CAPN13: variants seen among roughly 807,000 people sequenced by gnomAD.
CAPN13 encodes calpain-13.
In CAPN13, 90 loss-of-function variants were observed where a neutral mutation model predicts 98.4. The ratio of observed to expected loss-of-function variants is 0.92; its 90% CI spans 0.77 to 1.09. The LOEUF (loss-of-function observed/expected upper bound fraction) is 1.09, where lower values mean the gene tolerates loss of function less well. CAPN13 is among the 50% of genes least tolerant of loss of function. CAPN13 has a pLI of 0.00. For missense variants in CAPN13, 887 were observed against 841.3 expected, an observed-to-expected ratio of 1.05 and a Z score of -0.67; for synonymous variants, 330 against 305.5, an observed-to-expected ratio of 1.08 and a Z score of -0.84.
chr2:30,752,665 G>A (rs1672233243), intron 10 of CAPN13, among the ~76,000 whole-genome samples: 2 of 152,188 alleles, frequency 1.3e-5, no homozygotes, highest in Admixed American at 6.5e-5. Context: ...GCATCACAAG[G>A]CCAGTATGTG....
Position 30,742,369 on chromosome 2 carries a change from C to A in CAPN13, c.1446-10G>T. The A allele has an allele frequency of 6.2e-7, 1 of 1,603,154 alleles. No individual in the cohort carries two copies. The highest frequency in any genetic ancestry group is 1.1e-5 in the South Asian group (1 of 88,632). On this transcript the variant is annotated splice_polypyrimidine_tract_variant and intron_variant, in intron 13 of 22. Coordinates refer to ENST00000295055, the MANE Select transcript of CAPN13 (RefSeq NM_144575.3). ...ATGGCTGCTCAGGTGCCTAGAAAAT[C>A]AGAGGACAGTGTGACAAAGATGACC...
chr2:30,754,480 A>G, intron 8 of CAPN13, 116 bp from the exon 9 acceptor site: 1 of 787,618 alleles, frequency 1.3e-6, no homozygotes. Flanking sequence ...GCACAGGGCA[A>G]GTGTCATCCT....
At chr2:30,750,316 G>T (rs1672108947) in intron 11 of CAPN13, among the ~76,000 whole-genome samples, 1 of 152,032 alleles carries the variant, frequency 6.6e-6, no homozygotes, top group Admixed American at 6.5e-5. Context: ...AGTGGGGAGG[G>T]TGGGAGGAGG....
At chr2:30,774,445 A>T (rs769151573) in intron 4 of CAPN13, among the ~76,000 whole-genome samples, 4 of 152,176 alleles carry the variant, frequency 2.6e-5, no homozygotes, top group Non-Finnish European at 5.9e-5. Flanking sequence ...GAAAAAAAGG[A>T]AAAGTAAAAA....
At chr2:30,805,074 G>A (rs1675531720) in intron 1 of CAPN13, among the ~76,000 whole-genome samples, 1 of 152,154 alleles carries the variant, frequency 6.6e-6, no homozygotes, top group South Asian at 2.1e-4. Context: ...CTCAGATGAG[G>A]TGCCAAGCCT....
intron 4 of CAPN13, 100 bp downstream of exon 4, chr2:30,775,830 C>G (rs1673657933): frequency 2.9e-6 from 2 of 684,872 alleles, no homozygotes; most frequent in Non-Finnish European, 4.5e-6. Context: ...CTGTCACTTT[C>G]ATCTCAGGCT....
At chr2:30,751,779 A>G (rs1672186127) in intron 10 of CAPN13, among the ~76,000 whole-genome samples, 1 of 152,240 alleles carries the variant, frequency 6.6e-6, no homozygotes. Context: ...ATTGATACAC[A>G]TCAGAAGACT....
At chr2:30,742,459 A>T in intron 13 of CAPN13, 100 bp from the exon 14 acceptor site, 1 of 1,342,844 alleles carries the variant, frequency 7.4e-7, no homozygotes, top group Non-Finnish European at 1.0e-6. Flanking sequence ...ATTGATGCCA[A>T]GTTCCTGAAT....
chr2:30,769,521 C>T (rs927831987), intron 5 of CAPN13, among the ~76,000 whole-genome samples: 7 of 152,254 alleles, frequency 4.6e-5, no homozygotes, highest in South Asian at 4.1e-4. Flanking sequence ...CACACACACA[C>T]GTGCAACCCC....
At chr2:30,800,077 A>AAAAG (rs1170202857) in intron 1 of CAPN13, among the ~76,000 whole-genome samples, 4 of 149,634 alleles carry the variant, frequency 2.7e-5, no homozygotes, top group East Asian at 2.0e-4. Flanking sequence ...CCATCTCAAA[A>AAAAG]AAAGAAAGAA....
At chr2:30,766,952 G>A (rs1673144825) in intron 5 of CAPN13, among the ~76,000 whole-genome samples, 1 of 152,244 alleles carries the variant, frequency 6.6e-6, no homozygotes. Context: ...GGAGGGAAGA[G>A]GTCCCTCTCC....
chr2:30,802,551 G>T (rs892475529), intron 1 of CAPN13, among the ~76,000 whole-genome samples: 39 of 149,952 alleles, frequency 2.6e-4, no homozygotes, highest in Non-Finnish European at 4.4e-4. Flanking sequence ...CTGGGGGGGG[G>T]GGGTGGTGGT....
intron 20 of CAPN13, 68 bp from the exon 21 acceptor site, chr2:30,731,467 G>C: frequency 1.4e-6 from 2 of 1,392,738 alleles, no homozygotes; most frequent in Middle Eastern, 1.8e-4. Flanking sequence ...AGGGGAGGCA[G>C]GCCTGGGCCC....
chr2:30,804,364 C>A (rs6734715), intron 1 of CAPN13, among the ~76,000 whole-genome samples: 3,646 of 152,228 alleles, frequency 0.024, 152 homozygotes, highest in African/African-American at 0.083. Flanking sequence ...CCATGCCTGT[C>A]TAATTTTTTT....
chr2:30,752,181 A>C (rs992848713), intron 10 of CAPN13, among the ~76,000 whole-genome samples: 6 of 152,206 alleles, frequency 3.9e-5, no homozygotes, highest in Non-Finnish European at 5.9e-5. Context: ...GGAGGTAAAA[A>C]AGAGGGACAC....
At chr2:30,759,406 C>T (rs1238989239) in intron 7 of CAPN13, among the ~76,000 whole-genome samples, 2 of 152,152 alleles carry the variant, frequency 1.3e-5, no homozygotes, top group Admixed American at 6.5e-5. Flanking sequence ...TCTGCATCCC[C>T]GGGAGCCGGC....
At chr2:30,724,906 A>G (rs1373928637) in intron 22 of CAPN13, among the ~76,000 whole-genome samples, 1 of 151,666 alleles carries the variant, frequency 6.6e-6, no homozygotes, top group Admixed American at 6.5e-5. Flanking sequence ...TCCTGCAGAA[A>G]ATGGTTGTTG....
At chr2:30,743,636 A>T (rs1229933422) in intron 12 of CAPN13, 57 bp from the exon 13 acceptor site, 4 of 1,523,954 alleles carry the variant, frequency 2.6e-6, no homozygotes, top group Admixed American at 3.4e-5. Context: ...CATGGACCCC[A>T]GTCACCAAGA....
At chr2:30,788,597 C>T (rs537660172) in intron 1 of CAPN13, among the ~76,000 whole-genome samples, 1 of 152,166 alleles carries the variant, frequency 6.6e-6, no homozygotes, top group Non-Finnish European at 1.5e-5. Flanking sequence ...CCCTGTGTTG[C>T]ACCCATTTCC....
Sources: allele counts gnomAD v4.1 joint callset (sites outside exome capture counted in the v4.1 genomes callset), GRCh38; gene constraint gnomAD v4.1.1; transcripts MANE v1.5; gene names NCBI Gene and HGNC (gene_info 2026-07-23, HGNC 2026-07-21).